MYO1D: variants seen among roughly 807,000 people sequenced by gnomAD.
MYO1D encodes unconventional myosin-Id.
MYO1D carries 83 observed loss-of-function variants against 122.0 expected under a neutral mutation model. The observed-to-expected ratio is 0.68, with a 90% CI of 0.57 to 0.82. MYO1D has a LOEUF of 0.82. Among genes scored for constraint, MYO1D ranks in the 40% least tolerant of loss-of-function variants. MYO1D has a pLI of 0.00. For missense variants in MYO1D, 1,157 were observed against 1,269.5 expected (o/e 0.91, Z 1.35); for synonymous variants, 464 against 446.9 (o/e 1.04, Z -0.48).
intron 16 of MYO1D, among the ~76,000 whole-genome samples, chr17:32,667,877 TC>T (rs1217983838): frequency 2.0e-5 from 3 of 152,366 alleles, no homozygotes; most frequent in African/African-American, 7.2e-5. Context: ...GATGACATGA[TC>T]TGACAGCCTC....
chr17:32,619,120 A>G (rs1435094027), intron 20 of MYO1D, among the ~76,000 whole-genome samples: 1 of 152,120 alleles, frequency 6.6e-6, no homozygotes, highest in African/African-American at 2.4e-5. Context: ...TCCCAAATAG[A>G]CTGCTCTGAG....
chr17:32,576,669 T>C (rs2150898518), intron 21 of MYO1D, among the ~76,000 whole-genome samples: 1 of 152,234 alleles, frequency 6.6e-6, no homozygotes. Flanking sequence ...AGTGAATGAA[T>C]GAATGAGACA....
At chr17:32,554,427 G>GA (rs1213146095) in intron 21 of MYO1D, among the ~76,000 whole-genome samples, 3 of 152,038 alleles carry the variant, frequency 2.0e-5, no homozygotes, top group Non-Finnish European at 2.9e-5. Context: ...AGTTATCTTT[G>GA]AAATACAGAA....
intron 1 of MYO1D, among the ~76,000 whole-genome samples, chr17:32,811,857 C>T (rs1389348056): frequency 1.3e-5 from 2 of 152,014 alleles, no homozygotes; most frequent in African/African-American, 2.4e-5. Context: ...GTCATATGCA[C>T]GTGTTGCCTG....
chr17:32,573,922 A>G (rs981136222), intron 21 of MYO1D, among the ~76,000 whole-genome samples: 19 of 151,628 alleles, frequency 1.3e-4, no homozygotes, highest in Admixed American at 1.1e-3. Flanking sequence ...CGCAATCTCG[A>G]CTCACTGCAG....
At chr17:32,839,280 G>T (rs1200848014) in intron 1 of MYO1D, among the ~76,000 whole-genome samples, 1 of 152,116 alleles carries the variant, frequency 6.6e-6, no homozygotes, top group Non-Finnish European at 1.5e-5. Flanking sequence ...TGGTCCCAAG[G>T]AAGAAAGAAC....
chr17:32,535,054 C>A (rs1910620795), intron 21 of MYO1D, among the ~76,000 whole-genome samples: 1 of 152,050 alleles, frequency 6.6e-6, no homozygotes, highest in African/African-American at 2.4e-5. Flanking sequence ...AGAAGTCAAT[C>A]CTTGCAAAGT....
intron 1 of MYO1D, among the ~76,000 whole-genome samples, chr17:32,788,404 T>C (rs2090318822): frequency 6.6e-6 from 1 of 152,224 alleles, no homozygotes; most frequent in African/African-American, 2.4e-5. Context: ...TCTTCTATAA[T>C]TTTTATGCTT....
At chr17:32,810,524 C>T (rs2090561407) in intron 1 of MYO1D, among the ~76,000 whole-genome samples, 1 of 150,778 alleles carries the variant, frequency 6.6e-6, no homozygotes, top group African/African-American at 2.5e-5. Flanking sequence ...ATTGCCCAGG[C>T]TGGAGTGCAA....
intron 14 of MYO1D, among the ~76,000 whole-genome samples, chr17:32,722,714 T>C (rs1349422036): frequency 6.6e-6 from 1 of 152,206 alleles, no homozygotes; most frequent in Non-Finnish European, 1.5e-5. Flanking sequence ...GATTAGGATG[T>C]GGACATCTGG....
At chr17:32,639,138 A>G (rs975651501) in intron 19 of MYO1D, among the ~76,000 whole-genome samples, 2 of 152,294 alleles carry the variant, frequency 1.3e-5, no homozygotes, top group African/African-American at 2.4e-5. Context: ...TGAAAATCAT[A>G]TATCTAAAAA....
chr17:32,594,735 T>C (rs2087474842), intron 21 of MYO1D, among the ~76,000 whole-genome samples: 2 of 152,204 alleles, frequency 1.3e-5, no homozygotes, highest in South Asian at 4.1e-4. Context: ...ATGGATTTTT[T>C]GGGGCTCCTT....
At chr17:32,769,616 TAAA>T (rs2090094186) in intron 6 of MYO1D, among the ~76,000 whole-genome samples, 1 of 152,042 alleles carries the variant, frequency 6.6e-6, no homozygotes, top group Admixed American at 6.5e-5. Context: ...AAGATTATAA[TAAA>T]AACAGGTTTA....
At chr17:32,604,363 G>C (rs917479627) in intron 21 of MYO1D, among the ~76,000 whole-genome samples, 3 of 152,150 alleles carry the variant, frequency 2.0e-5, no homozygotes, top group Non-Finnish European at 4.4e-5. Flanking sequence ...ATGCCACAAA[G>C]AGAGCACTTG....
At chr17:32,677,622 T>G (rs990380275) in intron 16 of MYO1D, among the ~76,000 whole-genome samples, 1 of 135,066 alleles carries the variant, frequency 7.4e-6, no homozygotes, top group African/African-American at 2.9e-5. Flanking sequence ...TATATATATA[T>G]GCACACAGAC....
intron 19 of MYO1D, among the ~76,000 whole-genome samples, chr17:32,646,133 A>G (rs933809208): frequency 6.6e-6 from 1 of 152,106 alleles, no homozygotes. Flanking sequence ...TCAGGATCCC[A>G]TGAATATATT....
At chr17:32,748,811 A>T in intron 12 of MYO1D, 125 bp downstream of exon 12, 1 of 866,304 alleles carries the variant, frequency 1.2e-6, no homozygotes, top group Non-Finnish European at 1.9e-6. Context: ...AAATTAAAAT[A>T]TATTGACATA....
chr17:32,743,813 T>C (rs2089799753), intron 13 of MYO1D, among the ~76,000 whole-genome samples: 1 of 151,818 alleles, frequency 6.6e-6, no homozygotes. Flanking sequence ...AGAGACGGGG[T>C]TTCACCATGT....
chr17:32,679,953 T>TTC (rs1173723539), intron 16 of MYO1D, among the ~76,000 whole-genome samples: 12 of 148,170 alleles, frequency 8.1e-5, no homozygotes, highest in Admixed American at 6.1e-4. Flanking sequence ...TGGTTTGTAG[T>TTC]TCTCCTGGAA....
Sources: allele counts gnomAD v4.1 joint callset (sites outside exome capture counted in the v4.1 genomes callset), GRCh38; gene constraint gnomAD v4.1.1; transcripts MANE v1.5; gene names NCBI Gene and HGNC (gene_info 2026-07-23, HGNC 2026-07-21).